FSIP1: variants seen among roughly 807,000 people sequenced by gnomAD.
The protein encoded by FSIP1 is fibrous sheath interacting protein 1, also known as fibrous sheath-interacting protein 1.
In FSIP1, 65 loss-of-function variants were observed where a neutral mutation model predicts 60.9. That is an observed-to-expected ratio of 1.07 (90% confidence interval 0.87 to 1.31). The LOEUF (loss-of-function observed/expected upper bound fraction) is 1.31, where lower values mean the gene tolerates loss of function less well. Ranked by LOEUF, FSIP1 falls within the 40% of genes most tolerant of loss-of-function variation. The pLI, the probability that FSIP1 is intolerant of heterozygous loss-of-function variation, is 0.00. For missense variants in FSIP1, 675 were observed against 665.5 expected, an observed-to-expected ratio of 1.01 and a Z score of -0.16; for synonymous variants, 209 against 221.2, an observed-to-expected ratio of 0.94 and a Z score of 0.49.
intron 5 of FSIP1, among the ~76,000 whole-genome samples, chr15:39,743,536 A>G (rs1896875380): frequency 1.3e-5 from 2 of 152,240 alleles, no homozygotes; most frequent in South Asian, 4.1e-4. Flanking sequence ...TTAACCATTT[A>G]GTAACCATCA....
In FSIP1 at chr15:39,782,807, G is replaced by A. The variant is rs913646833; in HGVS notation, c.-187C>T. The stretch of plus-strand genomic sequence containing the variant: ...GCCGGTCCAGATCCCTCCTGCCTGT[G>A]GGACCGCTGTTTCCCTGGCAACCAG... On this transcript the variant is annotated 5_prime_UTR_variant, in exon 1 of 12. Transcript: ENST00000350221. 1 of 152,558 alleles carries A rather than the reference G, an allele frequency of 6.6e-6. No homozygotes were observed. The highest frequency in any genetic ancestry group is 1.5e-5 in the Non-Finnish European group (1 of 68,298). 9.5% of individuals were successfully genotyped at this position (152,558 alleles called of 1,614,324 possible).
At chr15:39,721,097 A>G (rs372970526) in intron 9 of FSIP1, among the ~76,000 whole-genome samples, 2 of 152,228 alleles carry the variant, frequency 1.3e-5, no homozygotes, top group East Asian at 1.9e-4. Context: ...ACAATCAGTG[A>G]GCCCATAAGG....
chr15:39,724,180 T>A (rs957518716), intron 9 of FSIP1, among the ~76,000 whole-genome samples: 1 of 152,154 alleles, frequency 6.6e-6, no homozygotes. Context: ...TTTTAAAATA[T>A]CTTATCTGAA....
At chr15:39,756,573 G>A (rs144120271) in intron 5 of FSIP1, among the ~76,000 whole-genome samples, 1 of 152,066 alleles carries the variant, frequency 6.6e-6, no homozygotes, top group African/African-American at 2.4e-5. Flanking sequence ...CTGGCTTCAG[G>A]CAATCCTCCT....
Position 39,770,603 on chromosome 15 carries a change from G to C in FSIP1, c.134C>G (p.Thr45Ser), listed in dbSNP as rs150089086. The C allele has an allele frequency of 2.7e-6, 4 of 1,491,574 alleles. No homozygotes were observed. The highest frequency in any genetic ancestry group is 3.6e-6 in the Non-Finnish European group (4 of 1,120,150). The allele number at this position is 1,491,574 out of a possible 1,614,324, so 92.4% of individuals were successfully genotyped here. The change falls in exon 3 of 12, where the codon ACT (threonine) becomes AGT (serine). Residue 45 changes from threonine to serine, a missense_variant. By Grantham distance (58) the Thr-to-Ser change is moderately conservative. Coordinates refer to ENST00000350221, the MANE Select transcript of FSIP1 (RefSeq NM_152597.5). ...TTTACCAGAGTTCAAGTTGCTTGCA[G>C]TATCGACCTAAAAATAATTTCAAAA... is the stretch of plus-strand genomic sequence containing the variant. ...STEPGSFKVDTASNLNSGKED... is the reference protein window; with the variant it reads ...STEPGSFKVDSASNLNSGKED...
chr15:39,736,137 T>C (rs1037635328), intron 8 of FSIP1, among the ~76,000 whole-genome samples: 16 of 152,276 alleles, frequency 1.1e-4, no homozygotes, highest in Admixed American at 9.8e-4. Flanking sequence ...TATTATCTTA[T>C]GGGACCACTG....
At chr15:39,746,666 G>C (rs1186974772) in intron 5 of FSIP1, among the ~76,000 whole-genome samples, 2 of 152,118 alleles carry the variant, frequency 1.3e-5, no homozygotes, top group South Asian at 4.1e-4. Flanking sequence ...TGGGACAGCA[G>C]ACATTTTGAA....
In FSIP1 at chr15:39,621,982, A is replaced by T. The variant is rs533726894; in HGVS notation, c.1189-3737T>A. On this transcript the variant is annotated intron_variant, in intron 10 of 11. Transcript: ENST00000350221. ...AACCATTTTTTAAGGCACTATATTG[A>T]TATAATTTATTTACAAATACTGAAC... Among the ~76,000 whole-genome samples, 4 of 152,282 alleles carry T rather than the reference A, an allele frequency of 2.6e-5. No homozygotes were observed. The East Asian group carries it at 7.7e-4, about 29-fold the overall frequency.
chr15:39,671,567 C>T (rs1893721774), intron 10 of FSIP1, among the ~76,000 whole-genome samples: 1 of 152,178 alleles, frequency 6.6e-6, no homozygotes, highest in Admixed American at 6.5e-5. Context: ...ATTTTAGTGC[C>T]ACCCTCATAA....
chr15:39,689,751 T>C (rs1419015700), intron 10 of FSIP1, among the ~76,000 whole-genome samples: 1 of 152,222 alleles, frequency 6.6e-6, no homozygotes, highest in Non-Finnish European at 1.5e-5. Context: ...TTTATAATAA[T>C]AGTAAGATTA....
intron 2 of FSIP1, among the ~76,000 whole-genome samples, chr15:39,776,142 G>C: frequency 1.5e-5 from 2 of 134,978 alleles, no homozygotes; most frequent in East Asian, 4.8e-4. Flanking sequence ...GGGAGGGAGG[G>C]GAGGAGCAGA....
intron 5 of FSIP1, among the ~76,000 whole-genome samples, chr15:39,743,007 A>G (rs1224893546): frequency 6.6e-6 from 1 of 152,174 alleles, no homozygotes; most frequent in African/African-American, 2.4e-5. Context: ...GGGGGTCTTC[A>G]ATATTCATTA....
chr15:39,757,273 T>C (rs185993490), intron 5 of FSIP1, among the ~76,000 whole-genome samples: 64 of 152,266 alleles, frequency 4.2e-4, no homozygotes, highest in African/African-American at 1.5e-3. Flanking sequence ...TAATGAGTAA[T>C]GGGAAATTCA....
intron 10 of FSIP1, among the ~76,000 whole-genome samples, chr15:39,649,077 G>A (rs998885969): frequency 2.0e-5 from 3 of 152,126 alleles, no homozygotes; most frequent in African/African-American, 4.8e-5. Context: ...CTCAAAAGCT[G>A]AGTACCATAA....
At chr15:39,755,994 A>G (rs1420633919) in intron 5 of FSIP1, among the ~76,000 whole-genome samples, 1 of 152,098 alleles carries the variant, frequency 6.6e-6, no homozygotes, top group Non-Finnish European at 1.5e-5. Context: ...GCCTCTAAAA[A>G]AACCCAAAAG....
intron 10 of FSIP1, among the ~76,000 whole-genome samples, chr15:39,655,703 C>T (rs1051730234): frequency 6.6e-6 from 1 of 152,112 alleles, no homozygotes; most frequent in African/African-American, 2.4e-5. Flanking sequence ...TATGAACCAA[C>T]CTAGAGAAAC....
intron 10 of FSIP1, among the ~76,000 whole-genome samples, chr15:39,706,885 A>C (rs919972479): frequency 2.0e-5 from 3 of 152,194 alleles, no homozygotes; most frequent in Non-Finnish European, 4.4e-5. Context: ...TTAATACTCT[A>C]TCACAGACAT....
intron 5 of FSIP1, among the ~76,000 whole-genome samples, chr15:39,743,235 C>T (rs991016729): frequency 3.9e-5 from 6 of 152,008 alleles, no homozygotes; most frequent in African/African-American, 1.5e-4. Context: ...TATCTGAGAC[C>T]AGTGTCATGC....
intron 11 of FSIP1, among the ~76,000 whole-genome samples, chr15:39,607,414 A>G (rs779120796): frequency 6.6e-6 from 1 of 152,194 alleles, no homozygotes; most frequent in East Asian, 1.9e-4. Context: ...GTCAGAATCT[A>G]TCTCTCTCTC....
Sources: gnomAD v4.1 joint callset for allele counts (sites outside exome capture counted in the v4.1 genomes callset) on GRCh38, gnomAD v4.1.1 for gene constraint, MANE v1.5 for transcripts, NCBI Gene and HGNC (gene_info 2026-07-23, HGNC 2026-07-21) for gene names.